MYOM2: variants seen among roughly 807,000 people sequenced by gnomAD.
MYOM2 encodes myomesin-2.
MYOM2 carries 254 observed loss-of-function variants against 187.6 expected under a neutral mutation model. That is an observed-to-expected ratio of 1.35 (90% CI 1.22 to 1.50). MYOM2 has a LOEUF of 1.50. Ranked by LOEUF, MYOM2 falls within the 40% of genes most tolerant of loss-of-function variation. The pLI, the probability that MYOM2 is intolerant of heterozygous loss-of-function variation, is 0.00. For missense variants in MYOM2, 2,796 were observed against 1,924.0 expected (o/e 1.45, Z -8.48); for synonymous variants, 981 against 753.8 (o/e 1.30, Z -4.94).
intron 8 of MYOM2, among the ~76,000 whole-genome samples, chr8:2,069,918 G>A (rs1001065086): frequency 3.3e-5 from 5 of 150,432 alleles, no homozygotes; most frequent in African/African-American, 1.2e-4. Context: ...TTAAGGAGAT[G>A]TTTTTTTTTT....
chr8:2,132,774 A>G (rs1469520889), intron 32 of MYOM2, among the ~76,000 whole-genome samples: 2 of 152,200 alleles, frequency 1.3e-5, no homozygotes, highest in Admixed American at 6.5e-5. Flanking sequence ...CCAAATGTGT[A>G]TTTTAATTCA....
At chr8:2,051,246 A>T (rs1161479837) in intron 2 of MYOM2, among the ~76,000 whole-genome samples, 1 of 152,222 alleles carries the variant, frequency 6.6e-6, no homozygotes, top group Non-Finnish European at 1.5e-5. Flanking sequence ...AGAGAAGTTA[A>T]TGGGTGGCAG....
intron 32 of MYOM2, among the ~76,000 whole-genome samples, chr8:2,136,112 T>C (rs73657763): frequency 0.13 from 19,832 of 152,170 alleles, 2,190 homozygotes; most frequent in African/African-American, 0.28. Flanking sequence ...TAGAACCCAG[T>C]CCAAGAGAAG....
intron 28 of MYOM2, among the ~76,000 whole-genome samples, chr8:2,122,781 A>G (rs1219845416): frequency 6.6e-6 from 1 of 151,870 alleles, no homozygotes; most frequent in Non-Finnish European, 1.5e-5. Context: ...GAAGGTCCTC[A>G]CCTCTAGTGA....
At chr8:2,073,601 T>A in intron 10 of MYOM2, 101 bp downstream of exon 10, 1 of 1,367,968 alleles carries the variant, frequency 7.3e-7, no homozygotes, top group Non-Finnish European at 9.7e-7. Context: ...GTCCAGAGGG[T>A]GTGAGACCAC....
intron 14 of MYOM2, among the ~76,000 whole-genome samples, chr8:2,088,777 C>G (rs1478319441): frequency 6.6e-6 from 1 of 152,170 alleles, no homozygotes; most frequent in Non-Finnish European, 1.5e-5. Context: ...GGGCATATAC[C>G]CAGTAATGGG....
At chr8:2,069,524 T>C (rs376677879) in intron 8 of MYOM2, 27 bp downstream of exon 8, 173 of 1,613,396 alleles carry the variant, frequency 1.1e-4, no homozygotes, top group Non-Finnish European at 1.4e-4. Context: ...TTCTTTTCTG[T>C]GTGGTGAAAT....
intron 17 of MYOM2, among the ~76,000 whole-genome samples, chr8:2,095,347 A>C (rs3779847): frequency 0.68 from 101,566 of 149,516 alleles, 36,637 homozygotes; most frequent in East Asian, 0.85. Context: ...GCTGGGGTGC[A>C]GTCGTGTGAT....
chr8:2,079,090 C>T (rs1393320621), intron 12 of MYOM2, among the ~76,000 whole-genome samples, 157 bp downstream of exon 12: 1 of 152,182 alleles, frequency 6.6e-6, no homozygotes, highest in African/African-American at 2.4e-5. Context: ...CTGACATCTC[C>T]ACCAACATCA....
intron 25 of MYOM2, among the ~76,000 whole-genome samples, chr8:2,114,539 A>G (rs907585232): frequency 6.6e-6 from 1 of 152,042 alleles, no homozygotes; most frequent in East Asian, 1.9e-4. Context: ...AGTGACTGTG[A>G]TCTCGGTTCA....
intron 6 of MYOM2, among the ~76,000 whole-genome samples, chr8:2,066,607 C>T (rs778870751): frequency 3.3e-5 from 5 of 152,206 alleles, no homozygotes; most frequent in Middle Eastern, 3.2e-3. Flanking sequence ...GCAATGCCCA[C>T]GGGTCCTGCA....
Position 2,123,406 on chromosome 8 carries a change from G to A in MYOM2, c.3567+41G>A, listed in dbSNP as rs1175133716. 8 of 1,530,744 alleles carry A rather than the reference G, an allele frequency of 5.2e-6. No homozygotes were observed. The Admixed American group carries it at 8.9e-5, about 17-fold the overall frequency. The allele number at this position is 1,530,744 out of a possible 1,614,324, so 94.8% of individuals were successfully genotyped here. On this transcript the variant is annotated intron_variant, in intron 29 of 36. Transcript: ENST00000262113. ...TAACACAAGAAAGCAAAACAAAAAC[G>A]GCACTTTCAAATAACTCGTAAATTC...
In MYOM2 at chr8:2,065,949, C is replaced by T. The variant is rs750489992; in HGVS notation, c.654-3329C>T. On this transcript the variant is annotated intron_variant, in intron 6 of 36. Coordinates refer to ENST00000262113, the MANE Select transcript of MYOM2 (RefSeq NM_003970.4). Reference sequence around the variant, plus strand: ...CACGGGGGAGATTCCAGTTGAGAGCCGTGGGGCGCAGTGTGAACGCTGTTG... The same window carrying T: ...CACGGGGGAGATTCCAGTTGAGAGCTGTGGGGCGCAGTGTGAACGCTGTTG... 3.9e-5 allele frequency among the ~76,000 whole-genome samples: 6 copies of T among 152,138 alleles called. 1 individual carries two copies. The highest frequency in any genetic ancestry group is 5.9e-5 in the Non-Finnish European group (4 of 68,022).
intron 5 of MYOM2, 57 bp downstream of exon 5, chr8:2,057,837 A>G (rs1357195152): frequency 1.9e-6 from 3 of 1,579,594 alleles, no homozygotes; most frequent in East Asian, 2.3e-5. Flanking sequence ...TCTTTCAGAA[A>G]GACCCCAGTT....
At chr8:2,142,300 A>G in intron 34 of MYOM2, 75 bp from the exon 35 acceptor site, 1 of 1,406,352 alleles carries the variant, frequency 7.1e-7, no homozygotes, top group South Asian at 1.2e-5. Context: ...TGAGCCTCTC[A>G]GCTGTGCATT....
chr8:2,071,585 C>T (rs1350018713), intron 8 of MYOM2, among the ~76,000 whole-genome samples: 25 of 152,198 alleles, frequency 1.6e-4, no homozygotes, highest in Admixed American at 1.6e-3. Context: ...TGAGGTTGGA[C>T]TTAAACCTTT....
chr8:2,108,709 T>C, intron 23 of MYOM2, 77 bp from the exon 24 acceptor site: 2 of 1,389,566 alleles, frequency 1.4e-6, no homozygotes, highest in Non-Finnish European at 1.0e-6. Flanking sequence ...ATCTTGCTCG[T>C]GTGTCGCCTT....
chr8:2,142,438 T>G (rs747778070), intron 35 of MYOM2, 41 bp downstream of exon 35: 23 of 1,606,564 alleles, frequency 1.4e-5, no homozygotes, highest in Non-Finnish European at 2.0e-5. Flanking sequence ...GTGAATTATT[T>G]GGGGTGGGGC....
At chr8:2,072,816 G>T (rs1819281389) in intron 9 of MYOM2, among the ~76,000 whole-genome samples, 1 of 152,216 alleles carries the variant, frequency 6.6e-6, no homozygotes. Context: ...GCATGGAAGG[G>T]GCTGGTTAGC....
Sources: gnomAD v4.1 joint callset for allele counts (sites outside exome capture counted in the v4.1 genomes callset) on GRCh38, gnomAD v4.1.1 for gene constraint, MANE v1.5 for transcripts, NCBI Gene and HGNC (gene_info 2026-07-23, HGNC 2026-07-21) for gene names.